The following DAP variants were observed in gnomAD, a reference collection of about 807,000 sequenced individuals.
DAP encodes death-associated protein 1.
In DAP, 8 loss-of-function variants were observed where a neutral mutation model predicts 13.8. The ratio of observed to expected loss-of-function variants is 0.58; its 90% CI spans 0.34 to 1.05. DAP has a LOEUF of 1.05. Among genes scored for constraint, DAP ranks in the 50% least tolerant of loss-of-function variants. DAP has a pLI of 0.03. For missense variants in DAP, 106 were observed against 133.2 expected (o/e 0.80, Z 1.01); for synonymous variants, 47 against 47.5 (o/e 0.99, Z 0.04).
In DAP at chr5:10,689,276, C is replaced by G. The variant is rs140384573; in HGVS notation, c.153-5705G>C. On this transcript the variant is annotated intron_variant, in intron 2 of 3. Transcript: ENST00000230895. ...TAAACCCACATTTAGCACCTCACTC[C>G]CATGTGAGCTGCTCAAGACACTGTC... 1.1e-3 allele frequency among the ~76,000 whole-genome samples: 173 copies of G among 152,022 alleles called. 1 individual carries two copies. Among genetic ancestry groups the G allele is most frequent in the African/African-American group, 4.0e-3 (165 of 41,474 alleles).
chr5:10,755,063 G>A (rs1740148788), intron 1 of DAP, among the ~76,000 whole-genome samples: 1 of 152,212 alleles, frequency 6.6e-6, no homozygotes, highest in Non-Finnish European at 1.5e-5. Context: ...TAGACTGAAG[G>A]TGAGGAGATT....
intron 2 of DAP, among the ~76,000 whole-genome samples, chr5:10,720,011 T>C (rs1214945335): frequency 1.3e-5 from 2 of 152,306 alleles, no homozygotes; most frequent in African/African-American, 4.8e-5. Flanking sequence ...GTTGTGTACT[T>C]TGCATGGAAG....
intron 2 of DAP, among the ~76,000 whole-genome samples, chr5:10,686,048 CCATCTT>C (rs1207868364): frequency 1.3e-5 from 2 of 152,188 alleles, no homozygotes; most frequent in African/African-American, 2.4e-5. Context: ...CTATGGGTGT[CCATCTT>C]CATTATTATT....
At chr5:10,705,505 T>C (rs1393784905) in intron 2 of DAP, among the ~76,000 whole-genome samples, 1 of 152,258 alleles carries the variant, frequency 6.6e-6, no homozygotes, top group Non-Finnish European at 1.5e-5. Context: ...AACAAGGCTG[T>C]GCATTTGGCC....
intron 2 of DAP, among the ~76,000 whole-genome samples, chr5:10,725,758 TG>T (rs1460180568): frequency 6.6e-6 from 1 of 152,212 alleles, no homozygotes; most frequent in South Asian, 2.1e-4. Flanking sequence ...GCAGAAACGG[TG>T]GGCAGGAGAC....
chr5:10,696,231 C>T (rs572927159), intron 2 of DAP, among the ~76,000 whole-genome samples: 2 of 152,270 alleles, frequency 1.3e-5, no homozygotes, highest in South Asian at 4.1e-4. Flanking sequence ...AGTGATGGTC[C>T]TGGGCCACTG....
intron 2 of DAP, among the ~76,000 whole-genome samples, chr5:10,719,961 G>A (rs1169776888): frequency 6.6e-6 from 1 of 152,210 alleles, no homozygotes; most frequent in Non-Finnish European, 1.5e-5. Flanking sequence ...GCAGTGAAGG[G>A]AAATCTTCCC....
chr5:10,716,272 T>TG (rs1738987829), intron 2 of DAP, among the ~76,000 whole-genome samples: 1 of 152,240 alleles, frequency 6.6e-6, no homozygotes, highest in Non-Finnish European at 1.5e-5. Flanking sequence ...GTGCTTTCAA[T>TG]GAACTTTTCA....
At position 10,680,456 on chromosome 5, in the gene DAP, T is replaced by C; in HGVS notation, c.*600A>G. 2 of 476,634 alleles carry C rather than the reference T, an allele frequency of 4.2e-6. No homozygotes were observed. Among genetic ancestry groups the C allele is most frequent in the Non-Finnish European group, 7.4e-6 (2 of 269,154 alleles). 29.5% of individuals were successfully genotyped at this position (476,634 alleles called of 1,614,324 possible). ...TCTTTGGCATGTTGACTCCTGGAATTGAGGGGCTATTTCTAAGATGCATGC... is the reference window on the plus strand; with the variant it reads ...TCTTTGGCATGTTGACTCCTGGAATCGAGGGGCTATTTCTAAGATGCATGC... On this transcript the variant is annotated 3_prime_UTR_variant, in exon 4 of 4. Coordinates refer to ENST00000230895, the MANE Select transcript of DAP (RefSeq NM_004394.3).
rs545478941 is a variant in DAP at position 10,739,704 on chromosome 5, T to A, written c.152+8471A>T. 2.0e-5 allele frequency among the ~76,000 whole-genome samples: 3 copies of A among 152,232 alleles called. No homozygotes were observed. The East Asian group carries it at 5.8e-4, about 29-fold the overall frequency. On this transcript the variant is annotated intron_variant, in intron 2 of 3. Coordinates refer to ENST00000230895, the MANE Select transcript of DAP (RefSeq NM_004394.3). ...GGAAGGTTATAATCCTACCTTCAAT[T>A]AATTTGATATTTGTGAGGTCTTGAA...
intron 2 of DAP, among the ~76,000 whole-genome samples, chr5:10,714,839 T>C (rs5745226): frequency 0.013 from 1,922 of 152,130 alleles, 35 homozygotes; most frequent in African/African-American, 0.04. Context: ...CTCTTGCTCC[T>C]GCTCCCACCA....
rs1023128315 is a variant in DAP at position 10,693,126 on chromosome 5, A to ACG, written c.153-9556_153-9555insCG. ...GGGATGGGGAGAAACATGCACACGCACACACACACACACACACACACACAC... is the reference window on the plus strand; with the variant it reads ...GGGATGGGGAGAAACATGCACACGCACGCACACACACACACACACACACACAC... On this transcript the variant is annotated intron_variant, in intron 2 of 3. Coordinates refer to ENST00000230895, the MANE Select transcript of DAP (RefSeq NM_004394.3). Among the ~76,000 whole-genome samples, 18 of 45,368 alleles carry ACG rather than the reference A, an allele frequency of 4.0e-4. No homozygotes were observed. In the East Asian group the frequency reaches 0.025, roughly 64 times the overall value. The allele number at this position is 45,368 out of a possible 152,430, so 29.8% of individuals were successfully genotyped here. A position where few individuals can be genotyped will look rare whatever the true frequency, so the allele number is the denominator to read the frequency against.
At chr5:10,685,119 A>T (rs1310206749) in intron 2 of DAP, among the ~76,000 whole-genome samples, 1 of 109,408 alleles carries the variant, frequency 9.1e-6, no homozygotes, top group African/African-American at 4.3e-5. Context: ...TTACTTCCCC[A>T]AAGAGTTTAC....
chr5:10,742,582 TAAGGCC>T (rs1739789107), intron 2 of DAP, among the ~76,000 whole-genome samples: 1 of 152,198 alleles, frequency 6.6e-6, no homozygotes, highest in Non-Finnish European at 1.5e-5. Flanking sequence ...TTATTCCAGC[TAAGGCC>T]ATAAGGAGAT....
chr5:10,702,799 C>G (rs1579794182), intron 2 of DAP, among the ~76,000 whole-genome samples: 1 of 152,288 alleles, frequency 6.6e-6, no homozygotes, highest in South Asian at 2.1e-4. Flanking sequence ...GGACTCTTGC[C>G]TAAACCAGAG....
intron 2 of DAP, among the ~76,000 whole-genome samples, chr5:10,742,253 G>A (rs535284485): frequency 2.6e-5 from 4 of 152,150 alleles, no homozygotes; most frequent in Admixed American, 6.5e-5. Flanking sequence ...TAACACTATC[G>A]GCCGGGTGCG....
rs544920372 is a variant in DAP, at chr5:10,730,417, G to A, written c.152+17758C>T. Among the ~76,000 whole-genome samples, 9 of 152,320 alleles carry A rather than the reference G, an allele frequency of 5.9e-5. 1 individual carries two copies. In the South Asian group the frequency reaches 1.9e-3, roughly 32 times the overall value. ...AGTGGGGGACTGAGAGCCCCGGTGG[G>A]GGGGAATCTTTCTCTACTGAGAGCC... On this transcript the variant is annotated intron_variant, in intron 2 of 3. Coordinates refer to ENST00000230895, the MANE Select transcript of DAP (RefSeq NM_004394.3).
intron 2 of DAP, among the ~76,000 whole-genome samples, chr5:10,697,695 A>T (rs546963026): frequency 1.2e-3 from 179 of 152,294 alleles, no homozygotes; most frequent in Middle Eastern, 3.4e-3. Flanking sequence ...GGTAGAAAAA[A>T]ATCCAACAAG....
chr5:10,720,879 T>G (rs995511734), intron 2 of DAP, among the ~76,000 whole-genome samples: 37 of 152,342 alleles, frequency 2.4e-4, no homozygotes, highest in African/African-American at 8.2e-4. Flanking sequence ...CTGCATGCAA[T>G]GCTTCTGCCA....
Sources: gnomAD v4.1 joint callset for allele counts (sites outside exome capture counted in the v4.1 genomes callset) on GRCh38, gnomAD v4.1.1 for gene constraint, MANE v1.5 for transcripts, NCBI Gene and HGNC (gene_info 2026-07-23, HGNC 2026-07-21) for gene names.